The following COMMD3 variants were observed in gnomAD, a reference collection of about 807,000 sequenced individuals.
COMMD3 encodes COMM domain-containing protein 3.
COMMD3 carries 31 observed loss-of-function variants against 31.2 expected under a neutral mutation model. The observed-to-expected ratio is 0.99, with a 90% CI of 0.75 to 1.34. COMMD3 has a LOEUF of 1.34. Among genes scored for constraint, COMMD3 ranks in the 40% most tolerant of loss-of-function variants. The probability of loss-of-function intolerance (pLI) is 0.00; values close to 1 mark genes in which losing one functional copy is unlikely to be tolerated. For missense variants in COMMD3, 274 were observed against 236.9 expected, an observed-to-expected ratio of 1.16 and a Z score of -1.03; for synonymous variants, 108 against 87.3, an observed-to-expected ratio of 1.24 and a Z score of -1.32.
Position 22,320,189 on chromosome 10 carries a change from A to G in COMMD3, c.*191A>G. 2 of 1,444,888 alleles carry G rather than the reference A, an allele frequency of 1.4e-6. No individual in the cohort carries two copies. The highest frequency in any genetic ancestry group is 2.5e-5 in the Admixed American group (1 of 40,364). The allele number at this position is 1,444,888 out of a possible 1,614,324, so 89.5% of individuals were successfully genotyped here. ...GGTTAAGAGGGAAAGATACTGCCCAAGTATTTGAATCGTTTAGTAGTAACT... is the reference window on the plus strand; with the variant it reads ...GGTTAAGAGGGAAAGATACTGCCCAGGTATTTGAATCGTTTAGTAGTAACT... On this transcript the variant is annotated 3_prime_UTR_variant, in exon 8 of 8. Transcript: ENST00000376836.
chr10:22,319,730 G>A (rs1399563409), intron 7 of COMMD3: 1 of 559,664 alleles, frequency 1.8e-6, no homozygotes, highest in Non-Finnish European at 3.1e-6. Flanking sequence ...ATGTTTCAGT[G>A]TGAGGGCAAA....
At position 22,316,446 on chromosome 10, in the gene COMMD3, G is replaced by A; in HGVS notation, c.29G>A (p.Gly10Asp). Residue 10 changes from glycine (G) to aspartate (D), a missense_variant, in exon 1 of 8, where the codon GGC (glycine) becomes GAC (aspartate). Gly to Asp is a moderately conservative substitution (Grantham distance 94, BLOSUM62 -1). Coordinates refer to ENST00000376836, the MANE Select transcript of COMMD3 (RefSeq NM_012071.4). MELSESVQK[G>D]FQMLADPRSF... ...GAGCTCTCGGAGTCTGTGCAGAAAGGCTTCCAGATGCTGGCGGATCCCCGC... is the reference window on the plus strand; with the variant it reads ...GAGCTCTCGGAGTCTGTGCAGAAAGACTTCCAGATGCTGGCGGATCCCCGC... 1 of 1,551,112 alleles carries A rather than the reference G, an allele frequency of 6.4e-7. No homozygotes were observed. Among genetic ancestry groups the A allele is most frequent in the Non-Finnish European group, 8.7e-7 (1 of 1,146,928 alleles).
Position 22,318,940 on chromosome 10 carries a change from GTTTT to G in COMMD3, c.469-14_469-11del. 6.2e-7 allele frequency: 1 copy of G among 1,610,446 alleles called. No homozygotes were observed. The highest frequency in any genetic ancestry group is 8.5e-7 in the Non-Finnish European group (1 of 1,178,868). ...AAATAAACAGCGTTTCTTGTTGCGT[GTTTT>G]TTTTCCTGCCCTAGAACACTGATTC... On this transcript the variant is annotated splice_polypyrimidine_tract_variant and intron_variant, in intron 6 of 7. Coordinates refer to ENST00000376836, the MANE Select transcript of COMMD3 (RefSeq NM_012071.4).
chr10:22,319,864 TGCA>T, intron 7 of COMMD3, 72 bp from the exon 8 acceptor site: 3 of 1,568,734 alleles, frequency 1.9e-6, no homozygotes, highest in Admixed American at 3.6e-5. Context: ...TTTTTTTTCT[TGCA>T]TCTTTCTTGA....
intron 1 of COMMD3, chr10:22,316,770 C>G: frequency 1.5e-6 from 1 of 681,638 alleles, no homozygotes; most frequent in Non-Finnish European, 2.1e-6. Context: ...CTGCATAGAG[C>G]CAACTCCACG....
Position 22,316,489 on chromosome 10 carries a change from C to T in COMMD3, c.72C>T (p.Ala24=), listed in dbSNP as rs1183577883. 6.4e-7 allele frequency: 1 copy of T among 1,550,510 alleles called. No individual in the cohort carries two copies. Among genetic ancestry groups the T allele is most frequent in the African/African-American group, 1.4e-5 (1 of 73,044 alleles). Reference sequence around the variant, plus strand: ...ATCCCCGCTCCTTCGACTCCAACGCCTTCACGCTTCTCCTCCGGGCGGCAT... The same window carrying T: ...ATCCCCGCTCCTTCGACTCCAACGCTTTCACGCTTCTCCTCCGGGCGGCAT... ...LADPRSFDSN[A]FTLLLRAAFQ... Residue 24 remains alanine (A), a synonymous_variant, in exon 1 of 8, where the codon GCC becomes GCT. Transcript: ENST00000376836.
At chr10:22,319,894 C>G in intron 7 of COMMD3, 45 bp from the exon 8 acceptor site, 1 of 1,604,548 alleles carries the variant, frequency 6.2e-7, no homozygotes, top group Non-Finnish European at 8.5e-7. Context: ...ATACTTCTTT[C>G]CATGTTTTAT....
rs1835939333 is a variant in COMMD3, at chr10:22,320,136, AT to A, written c.*142del. ...CCTTTTGAATTTATACCATTCATCA[AT>A]TTTGACACTTTAAAAACGTGTGAAA... On this transcript the variant is annotated 3_prime_UTR_variant, in exon 8 of 8. Coordinates refer to ENST00000376836, the MANE Select transcript of COMMD3 (RefSeq NM_012071.4). The A allele has an allele frequency of 1.3e-6, 2 of 1,555,668 alleles. No individual in the cohort carries two copies.
chr10:22,316,501 C>T lies in COMMD3; in HGVS notation c.84C>T (p.Leu28=), dbSNP rs1386144567. Residue 28 remains leucine, a synonymous_variant, in exon 1 of 8, where the codon CTC becomes CTT. Coordinates refer to ENST00000376836, the MANE Select transcript of COMMD3 (RefSeq NM_012071.4). ...RSFDSNAFTL[L]LRAAFQSLLD... ...TCGACTCCAACGCCTTCACGCTTCT[C>T]CTCCGGGCGGCATTCCAGAGTCTGC... 3.9e-6 allele frequency: 6 copies of T among 1,550,452 alleles called. No homozygotes were observed. The highest frequency in any genetic ancestry group is 3.3e-4 in the Middle Eastern group (2 of 5,990).
At chr10:22,319,817 T>C in intron 7 of COMMD3, 122 bp from the exon 8 acceptor site, 1 of 1,219,590 alleles carries the variant, frequency 8.2e-7, no homozygotes, top group South Asian at 1.5e-5. Flanking sequence ...GTTAAAATCT[T>C]GTTGAATTTT....
chr10:22,318,356 T>C (rs1835894962), intron 4 of COMMD3, 50 bp downstream of exon 4: 1 of 1,573,594 alleles, frequency 6.4e-7, no homozygotes, highest in Middle Eastern at 1.7e-4. Flanking sequence ...CTTGCAGGTA[T>C]GAATGGAGAG....
chr10:22,316,609 CGGA>C, intron 1 of COMMD3, 53 bp downstream of exon 1: 1 of 1,431,878 alleles, frequency 7.0e-7, no homozygotes, highest in South Asian at 1.4e-5. Flanking sequence ...GAGGGGCGCT[CGGA>C]GAAGAGGAGC....
chr10:22,319,810 A>G, intron 7 of COMMD3, 129 bp from the exon 8 acceptor site: 1 of 1,182,708 alleles, frequency 8.5e-7, no homozygotes, highest in Non-Finnish European at 1.2e-6. Flanking sequence ...GTCAAAAGTT[A>G]AAATCTTGTT....
At chr10:22,316,798 C>T in intron 1 of COMMD3, 3 of 436,750 alleles carry the variant, frequency 6.9e-6, no homozygotes, top group Non-Finnish European at 1.1e-5. Flanking sequence ...CCCGGTTTCC[C>T]TCCCAGTCTC....
In COMMD3 at chr10:22,318,295, C is replaced by T. The variant is rs1835893871; in HGVS notation, c.339C>T (p.Ile113=). The change falls in exon 4 of 8, where the codon ATC becomes ATT. Residue 113 remains isoleucine, a synonymous_variant. Coordinates refer to ENST00000376836, the MANE Select transcript of COMMD3 (RefSeq NM_012071.4). The part of the protein sequence containing the change: ...EYQNNKNSLE[I]LLGSIGRSLP... ...AGAATAATAAGAATTCCCTAGAAAT[C>T]CTACTGGGAAGGTAGGTACTGTATA... The T allele has an allele frequency of 3.1e-6, 5 of 1,602,566 alleles. No individual in the cohort carries two copies. The highest frequency in any genetic ancestry group is 4.2e-6 in the Non-Finnish European group (5 of 1,177,132).
intron 7 of COMMD3, 191 bp from the exon 8 acceptor site, chr10:22,319,748 T>A (rs1835925727): frequency 9.8e-6 from 6 of 615,354 alleles, no homozygotes; most frequent in Non-Finnish European, 1.6e-5. Flanking sequence ...AAATAACCGA[T>A]TTGAACATGA....
At chr10:22,316,816 T>C (rs1835858973) in intron 1 of COMMD3, 1 of 363,946 alleles carries the variant, frequency 2.7e-6, no homozygotes, top group Non-Finnish European at 4.7e-6. Context: ...CTCTTTGTTC[T>C]TTTGTAAAGC....
At position 22,317,996 on chromosome 10, in the gene COMMD3, G is replaced by A; in HGVS notation, c.251+1G>A. ...ACCGAGCTGACAAGTCAACTCTAAGGTACAGGATTTATTTAAATATCCATT... is the reference window on the plus strand; with the variant it reads ...ACCGAGCTGACAAGTCAACTCTAAGATACAGGATTTATTTAAATATCCATT... On this transcript the variant is annotated splice_donor_variant, in intron 2 of 7. Transcript: ENST00000376836. LOFTEE classifies it high-confidence loss of function. 1 of 1,613,116 alleles carries A rather than the reference G, an allele frequency of 6.2e-7. No homozygotes were observed. The highest frequency in any genetic ancestry group is 8.5e-7 in the Non-Finnish European group (1 of 1,179,690).
chr10:22,318,586 G>A, intron 4 of COMMD3, 67 bp from the exon 5 acceptor site: 1 of 1,400,180 alleles, frequency 7.1e-7, no homozygotes, highest in African/African-American at 1.4e-5. Context: ...GCCATTCTTA[G>A]TAAATATAAA....
Sources: allele counts gnomAD v4.1 joint callset, GRCh38; gene constraint gnomAD v4.1.1; transcripts MANE v1.5; gene names NCBI Gene and HGNC (gene_info 2026-07-23, HGNC 2026-07-21).